Variants in DNAJC11 observed in about 807,000 individuals in gnomAD.
The protein encoded by DNAJC11 is DnaJ heat shock protein family (Hsp40) member C11.
A neutral mutation model predicts 78.6 loss-of-function variants in DNAJC11; 15 were observed. The observed-to-expected ratio is 0.19, with a 90% CI of 0.13 to 0.29. The LOEUF (loss-of-function observed/expected upper bound fraction) is 0.29, where lower values mean the gene tolerates loss of function less well. Among genes scored for constraint, DNAJC11 ranks in the 10% least tolerant of loss-of-function variants. DNAJC11 has a pLI of 1.00. For missense variants in DNAJC11, 547 were observed against 709.6 expected (o/e 0.77, Z 2.60); for synonymous variants, 292 against 272.1 (o/e 1.07, Z -0.72).
At chr1:6,651,798 C>G (rs1642058000) in intron 6 of DNAJC11, among the ~76,000 whole-genome samples, 196 bp from the exon 7 acceptor site, 2 of 152,204 alleles carry the variant, frequency 1.3e-5, no homozygotes. Context: ...TGCCACAGAT[C>G]CAAAGGAGAC....
At position 6,695,627 on chromosome 1, in the gene DNAJC11, TAAAAAAA is replaced by T. The variant is rs70984004; in HGVS notation, c.72+6095_72+6101del. ...CAACATAGTGAAACCCTATCTCTAC[TAAAAAAA>T]AAAAAAAAAAAAAAAAAAAAAAAAT... On this transcript the variant is annotated intron_variant, in intron 1 of 15. Coordinates refer to ENST00000377577, the MANE Select transcript of DNAJC11 (RefSeq NM_018198.4). Among the ~76,000 whole-genome samples the T allele has an allele frequency of 4.9e-4, 41 of 83,010 alleles. No individual in the cohort carries two copies. The South Asian group carries it at 9.5e-3, about 19-fold the overall frequency. The allele number at this position is 83,010 out of a possible 152,430, so 54.5% of individuals were successfully genotyped here.
intron 1 of DNAJC11, among the ~76,000 whole-genome samples, chr1:6,686,144 A>C (rs758019306): frequency 1.3e-5 from 2 of 152,234 alleles, no homozygotes; most frequent in Non-Finnish European, 2.9e-5. Context: ...TTCTGACTAA[A>C]TATCGATAGC....
chr1:6,683,391 C>T (rs993424380), intron 1 of DNAJC11, among the ~76,000 whole-genome samples: 9 of 152,190 alleles, frequency 5.9e-5, no homozygotes, highest in African/African-American at 1.9e-4. Flanking sequence ...GGATGACAAC[C>T]CTTGCAAGGA....
In DNAJC11 at chr1:6,680,857, A is replaced by C. The variant is rs769540963; in HGVS notation, c.202+51T>G. ...CCTCTACAAATCGCACCTCCTAAAA[A>C]TCGAATATCTGTTACCAGGATGTTT... On this transcript the variant is annotated intron_variant, in intron 2 of 15. Coordinates refer to ENST00000377577, the MANE Select transcript of DNAJC11 (RefSeq NM_018198.4). This position sits in a 1 kb window ranked among gnomAD's most constrained non-coding sequence, Gnocchi z 4.0. 1 of 1,596,572 alleles carries C rather than the reference A, an allele frequency of 6.3e-7. No homozygotes were observed. Among genetic ancestry groups the C allele is most frequent in the Non-Finnish European group, 8.6e-7 (1 of 1,168,096 alleles).
At chr1:6,662,438 C>T (rs1456318621) in intron 4 of DNAJC11, among the ~76,000 whole-genome samples, 1 of 152,138 alleles carries the variant, frequency 6.6e-6, no homozygotes, top group Non-Finnish European at 1.5e-5. Context: ...AGATGATCCA[C>T]CCACCTCAGC....
At position 6,648,345 on chromosome 1, in the gene DNAJC11, AG is replaced by A. The variant is rs372365424; in HGVS notation, c.705-2368del. 3.8e-3 allele frequency among the ~76,000 whole-genome samples: 582 copies of A among 152,246 alleles called. 4 individuals are homozygous for A. The highest frequency in any genetic ancestry group is 0.013 in the African/African-American group (540 of 41,560). On this transcript the variant is annotated intron_variant, in intron 7 of 15. Transcript: ENST00000377577. Reference sequence around the variant, plus strand: ...TAATTTTTGTATTTTTAGTAGAGACAGGGTTTCACCATGTTGGCCAGGCTTG... The same window carrying A: ...TAATTTTTGTATTTTTAGTAGAGACAGGTTTCACCATGTTGGCCAGGCTTG...
chr1:6,659,977 A>C (rs1300812676), intron 4 of DNAJC11, among the ~76,000 whole-genome samples: 2 of 149,538 alleles, frequency 1.3e-5, no homozygotes, highest in South Asian at 2.1e-4. Context: ...AATGGCATGA[A>C]CCCGGGAGGC....
chr1:6,681,523 C>T (rs1642552352), intron 1 of DNAJC11, among the ~76,000 whole-genome samples: 1 of 152,196 alleles, frequency 6.6e-6, no homozygotes, highest in African/African-American at 2.4e-5. Flanking sequence ...CGAATGCAAC[C>T]TCTAATTCCA....
At chr1:6,670,475 TTTTA>T (rs1440512674) in intron 3 of DNAJC11, 3 of 152,080 alleles carry the variant, frequency 2.0e-5, no homozygotes, top group Non-Finnish European at 2.9e-5. Flanking sequence ...TGCAACTTGA[TTTTA>T]TTTTTCAACA....
intron 1 of DNAJC11, among the ~76,000 whole-genome samples, chr1:6,683,218 C>T (rs1037404308): frequency 6.6e-6 from 1 of 152,188 alleles, no homozygotes; most frequent in East Asian, 1.9e-4. Flanking sequence ...TCCAGCCATG[C>T]TCATGTGGTT....
chr1:6,662,524 T>C (rs963683089), intron 4 of DNAJC11, among the ~76,000 whole-genome samples: 14 of 152,142 alleles, frequency 9.2e-5, no homozygotes, highest in Admixed American at 8.5e-4. Flanking sequence ...CTTTTCTGTC[T>C]TACAAATGTT....
Position 6,680,444 on chromosome 1 carries a change from T to C in DNAJC11, c.202+464A>G, listed in dbSNP as rs930718213. The stretch of plus-strand genomic sequence containing the variant: ...ACATAAGTATAAAAATGTGAATCAC[T>C]TGGTTCTATTTCCTATAAGCCTTCT... On this transcript the variant is annotated intron_variant, in intron 2 of 15. Coordinates refer to ENST00000377577, the MANE Select transcript of DNAJC11 (RefSeq NM_018198.4). The surrounding 1 kb of genome is among the most constrained non-coding windows in gnomAD (Gnocchi z 4.0). Among the ~76,000 whole-genome samples, 1 of 152,246 alleles carries C rather than the reference T, an allele frequency of 6.6e-6. No homozygotes were observed. Among genetic ancestry groups the C allele is most frequent in the Admixed American group, 6.5e-5 (1 of 15,286 alleles).
Position 6,653,917 on chromosome 1 carries a change from G to T in DNAJC11, c.501C>A (p.Ser167=), listed in dbSNP as rs1227203101. The change falls in exon 5 of 16, where the codon TCC becomes TCA. Residue 167 remains serine, a synonymous_variant. Coordinates refer to ENST00000377577, the MANE Select transcript of DNAJC11 (RefSeq NM_018198.4). The surrounding 1 kb of genome is among the most constrained non-coding windows in gnomAD (Gnocchi z 4.5). ...IEINKMHISQ[S]IEAPLTATDT... ...AGGTGGTTGTGTGCTTTACCTCAAT[G>T]GACTGGGATATGTGCATTTTATTAA... The T allele has an allele frequency of 2.5e-6, 4 of 1,612,194 alleles. No individual in the cohort carries two copies. Among genetic ancestry groups the T allele is most frequent in the Non-Finnish European group, 3.4e-6 (4 of 1,178,586 alleles).
chr1:6,659,044 T>C (rs1307526771), intron 4 of DNAJC11, among the ~76,000 whole-genome samples: 1 of 152,224 alleles, frequency 6.6e-6, no homozygotes, highest in Non-Finnish European at 1.5e-5. Context: ...CTCATCACAT[T>C]GTGTTCATGA....
intron 3 of DNAJC11, among the ~76,000 whole-genome samples, chr1:6,676,742 A>G (rs1642469311): frequency 6.6e-6 from 1 of 152,146 alleles, no homozygotes; most frequent in Admixed American, 6.5e-5. Flanking sequence ...ATGAGCCACC[A>G]ATATGAAGCA....
chr1:6,700,634 T>G (rs1225563997), intron 1 of DNAJC11, among the ~76,000 whole-genome samples: 2 of 152,164 alleles, frequency 1.3e-5, no homozygotes, highest in South Asian at 2.1e-4. Context: ...ATACTTACCT[T>G]AAGAGCTATC....
intron 4 of DNAJC11, among the ~76,000 whole-genome samples, chr1:6,659,047 G>T (rs1472414623): frequency 6.6e-6 from 1 of 152,222 alleles, no homozygotes; most frequent in Non-Finnish European, 1.5e-5. Context: ...ATCACATTGT[G>T]TTCATGACTA....
At chr1:6,665,415 A>G (rs1374397921) in intron 4 of DNAJC11, among the ~76,000 whole-genome samples, 1 of 152,202 alleles carries the variant, frequency 6.6e-6, no homozygotes, top group East Asian at 1.9e-4. Flanking sequence ...TCTCAGGACA[A>G]GGATGTTTGC....
At position 6,653,712 on chromosome 1, in the gene DNAJC11, C is replaced by G; in HGVS notation, c.507+199G>C. The G allele has an allele frequency of 1.6e-6, 1 of 609,904 alleles. No individual in the cohort carries two copies. The allele number at this position is 609,904 out of a possible 1,614,324, so 37.8% of individuals were successfully genotyped here. On this transcript the variant is annotated intron_variant, in intron 5 of 15. Coordinates refer to ENST00000377577, the MANE Select transcript of DNAJC11 (RefSeq NM_018198.4). The surrounding 1 kb of genome is among the most constrained non-coding windows in gnomAD (Gnocchi z 4.5). ...TGGGAGCCAAGTGCCCCAGCCCACACTCCTGCTGGCTCACATGCCAGCACA... is the reference window on the plus strand; with the variant it reads ...TGGGAGCCAAGTGCCCCAGCCCACAGTCCTGCTGGCTCACATGCCAGCACA...
Sources: allele counts gnomAD v4.1 joint callset (sites outside exome capture counted in the v4.1 genomes callset), GRCh38; gene constraint gnomAD v4.1.1; non-coding constraint Gnocchi (gnomAD v3.1); transcripts MANE v1.5; gene names NCBI Gene and HGNC (gene_info 2026-07-23, HGNC 2026-07-21).